The following EPS15 variants were observed in gnomAD, a reference collection of about 807,000 sequenced individuals.
EPS15 encodes the protein epidermal growth factor receptor substrate 15.
Under a neutral mutation model 113.8 loss-of-function variants are expected in EPS15, and 72 were observed. The observed-to-expected ratio is 0.63, with a 90% CI of 0.52 to 0.77. EPS15 has a LOEUF of 0.77. Ranked by LOEUF, EPS15 falls within the 30% of genes least tolerant of loss-of-function variation. The pLI is 0.00. For missense variants in EPS15, 1,048 were observed against 1,045.8 expected, an observed-to-expected ratio of 1.00 and a Z score of -0.03; for synonymous variants, 344 against 363.4, an observed-to-expected ratio of 0.95 and a Z score of 0.61.
At chr1:51,404,680 T>C (rs1477643072) in intron 16 of EPS15, among the ~76,000 whole-genome samples, 1 of 152,238 alleles carries the variant, frequency 6.6e-6, no homozygotes, top group Non-Finnish European at 1.5e-5. Flanking sequence ...TGCAGTAGGA[T>C]AAATCCCCCA....
intron 21 of EPS15, among the ~76,000 whole-genome samples, chr1:51,384,298 C>T (rs6677670): frequency 0.13 from 13,187 of 99,724 alleles, 1,186 homozygotes; most frequent in African/African-American, 0.24. Flanking sequence ...TTCTTTCTTT[C>T]TTTTTTTTTT....
At chr1:51,473,029 G>T in intron 2 of EPS15, 81 bp from the exon 3 acceptor site, 1 of 1,055,938 alleles carries the variant, frequency 9.5e-7, no homozygotes, top group Non-Finnish European at 1.5e-6. Flanking sequence ...CCATCCCTGT[G>T]ATTTGGGACC....
At chr1:51,412,659 T>C (rs1323958214) in intron 13 of EPS15, among the ~76,000 whole-genome samples, 2 of 152,180 alleles carry the variant, frequency 1.3e-5, no homozygotes, top group African/African-American at 4.8e-5. Flanking sequence ...CATATAGAGA[T>C]ACGACTTTAG....
intron 1 of EPS15, among the ~76,000 whole-genome samples, chr1:51,488,562 A>T (rs1644170432): frequency 6.6e-6 from 1 of 150,772 alleles, no homozygotes; most frequent in African/African-American, 2.4e-5. Context: ...GATCTTTAGT[A>T]GCTTATTTTA....
At chr1:51,407,228 C>T (rs1649215084) in intron 15 of EPS15, among the ~76,000 whole-genome samples, 1 of 151,996 alleles carries the variant, frequency 6.6e-6, no homozygotes, top group Non-Finnish European at 1.5e-5. Flanking sequence ...GACAGATTCT[C>T]ACTCTGTTGC....
At chr1:51,466,106 T>G (rs1407201510) in intron 5 of EPS15, among the ~76,000 whole-genome samples, 1 of 147,870 alleles carries the variant, frequency 6.8e-6, no homozygotes, top group Non-Finnish European at 1.5e-5. Context: ...TGTCACCAAA[T>G]ATGATAATTA....
chr1:51,454,697 G>A (rs973878767), intron 8 of EPS15, among the ~76,000 whole-genome samples: 1 of 152,248 alleles, frequency 6.6e-6, no homozygotes, highest in East Asian at 1.9e-4. Context: ...CTGAAAACAT[G>A]ACAACTAAAT....
chr1:51,408,096 G>T, intron 15 of EPS15, 39 bp downstream of exon 15: 2 of 1,526,034 alleles, frequency 1.3e-6, no homozygotes, highest in African/African-American at 1.4e-5. Flanking sequence ...GGACACAGAG[G>T]ATCCATTTGA....
In EPS15 at chr1:51,462,633, C is replaced by T. The variant is rs1038659104; in HGVS notation, c.501+1040G>A. ...CAGGAGAGATAGAAAAATAACATGG[C>T]AAAGGGGGCTAAGGATAGATATGAA... On this transcript the variant is annotated intron_variant, in intron 7 of 24. Transcript: ENST00000371733. 2.6e-5 allele frequency among the ~76,000 whole-genome samples: 4 copies of T among 151,670 alleles called. No homozygotes were observed. In the South Asian group the frequency reaches 6.2e-4, roughly 24 times the overall value.
In EPS15 at chr1:51,365,928, C is replaced by T. The variant is rs1646497603; in HGVS notation, c.2196+25G>A. 3.3e-6 allele frequency: 5 copies of T among 1,494,238 alleles called. No homozygotes were observed. The East Asian group carries it at 1.1e-4, about 34-fold the overall frequency. The allele number at this position is 1,494,238 out of a possible 1,614,324, so 92.6% of individuals were successfully genotyped here. A position where few individuals can be genotyped will look rare whatever the true frequency, so the allele number is the denominator to read the frequency against. On this transcript the variant is annotated intron_variant, in intron 22 of 24. Coordinates refer to ENST00000371733, the MANE Select transcript of EPS15 (RefSeq NM_001981.3). ...TTGGTGGAAACACAGTATGTTTTCCCTTCCCATTAATTACTGTAGATTACC... is the reference window on the plus strand; with the variant it reads ...TTGGTGGAAACACAGTATGTTTTCCTTTCCCATTAATTACTGTAGATTACC...
intron 16 of EPS15, among the ~76,000 whole-genome samples, chr1:51,404,786 G>A (rs1464898189): frequency 6.6e-6 from 1 of 152,148 alleles, no homozygotes; most frequent in Admixed American, 6.6e-5. Flanking sequence ...CACCCATAGA[G>A]TGTGTTTTTA....
chr1:51,357,391 A>AAAAAAAAAAATAT (rs1491245303), intron 24 of EPS15, among the ~76,000 whole-genome samples: 4 of 65,720 alleles, frequency 6.1e-5, no homozygotes, highest in African/African-American at 2.8e-4. Flanking sequence ...AAAAAAAAAA[A>AAAAAAAAAAATAT]ATATATATAT....
At chr1:51,442,389 G>C (rs1283743945) in intron 11 of EPS15, among the ~76,000 whole-genome samples, 1 of 152,080 alleles carries the variant, frequency 6.6e-6, no homozygotes, top group Non-Finnish European at 1.5e-5. Context: ...TCAAAAAAAG[G>C]TGACTCACAT....
chr1:51,369,628 A>G (rs1466653362), intron 21 of EPS15, among the ~76,000 whole-genome samples: 1 of 152,170 alleles, frequency 6.6e-6, no homozygotes, highest in African/African-American at 2.4e-5. Flanking sequence ...AACAGCCTTT[A>G]TTCCTGGTAT....
At chr1:51,410,386 T>C (rs1649592449) in intron 13 of EPS15, among the ~76,000 whole-genome samples, 1 of 145,390 alleles carries the variant, frequency 6.9e-6, no homozygotes, top group South Asian at 2.1e-4. Flanking sequence ...AGTGAGACAC[T>C]GTCTCCAAAA....
chr1:51,423,630 A>C, intron 12 of EPS15: 1 of 985,300 alleles, frequency 1.0e-6, no homozygotes, highest in Non-Finnish European at 1.2e-6. Flanking sequence ...CTACAGTGTC[A>C]CAGATCAGCA....
intron 2 of EPS15, among the ~76,000 whole-genome samples, chr1:51,479,141 A>G (rs1643972575): frequency 6.6e-6 from 1 of 152,130 alleles, no homozygotes; most frequent in African/African-American, 2.4e-5. Flanking sequence ...TATTTCTTGG[A>G]GGCTTTGTTC....
At chr1:51,402,849 G>A (rs1355355212) in intron 17 of EPS15, among the ~76,000 whole-genome samples, 1 of 152,148 alleles carries the variant, frequency 6.6e-6, no homozygotes, top group African/African-American at 2.4e-5. Flanking sequence ...AGGTTGCAGT[G>A]AGCCAAGATC....
chr1:51,410,433 G>A (rs528413245), intron 13 of EPS15, among the ~76,000 whole-genome samples: 2 of 151,858 alleles, frequency 1.3e-5, no homozygotes, highest in East Asian at 3.9e-4. Flanking sequence ...GTAAATAATG[G>A]ACCTGAATGT....
Sources: allele counts gnomAD v4.1 joint callset (sites outside exome capture counted in the v4.1 genomes callset), GRCh38; gene constraint gnomAD v4.1.1; transcripts MANE v1.5; gene names NCBI Gene and HGNC (gene_info 2026-07-23, HGNC 2026-07-21).